PTPRM: variants seen among roughly 807,000 people sequenced by gnomAD.
PTPRM encodes the protein receptor-type tyrosine-protein phosphatase mu.
Under a neutral mutation model 186.7 loss-of-function variants are expected in PTPRM, and 47 were observed. The observed-to-expected ratio is 0.25, with a 90% CI of 0.20 to 0.32. The LOEUF (loss-of-function observed/expected upper bound fraction) is 0.32. PTPRM is among the 10% of genes least tolerant of loss of function. The pLI is 1.00. For missense variants in PTPRM, 1,494 were observed against 1,865.0 expected (o/e 0.80, Z 3.66); for synonymous variants, 668 against 674.9 (o/e 0.99, Z 0.16).
At chr18:8,063,183 T>C (rs1202982676) in intron 7 of PTPRM, among the ~76,000 whole-genome samples, 49 of 151,384 alleles carry the variant, frequency 3.2e-4, no homozygotes, top group Admixed American at 7.9e-4. Context: ...TAAGCCGGTC[T>C]GAAAAGCGCA....
At chr18:8,002,468 G>T (rs933107536) in intron 7 of PTPRM, among the ~76,000 whole-genome samples, 1 of 152,190 alleles carries the variant, frequency 6.6e-6, no homozygotes, top group Non-Finnish European at 1.5e-5. Context: ...CACATCCTTG[G>T]ATGCCTGGTA....
chr18:7,771,669 G>A (rs2042275029), intron 1 of PTPRM, among the ~76,000 whole-genome samples: 1 of 152,172 alleles, frequency 6.6e-6, no homozygotes, highest in African/African-American at 2.4e-5. Flanking sequence ...CAGATCTGGA[G>A]CTAACAACTA....
At chr18:8,276,742 A>G (rs901200432) in intron 19 of PTPRM, among the ~76,000 whole-genome samples, 5 of 152,176 alleles carry the variant, frequency 3.3e-5, no homozygotes, top group African/African-American at 9.7e-5. Flanking sequence ...ACAACAAAAA[A>G]ATACAATCTC....
chr18:8,267,755 G>T (rs2094719309), intron 19 of PTPRM, among the ~76,000 whole-genome samples: 1 of 152,142 alleles, frequency 6.6e-6, no homozygotes, highest in Non-Finnish European at 1.5e-5. Flanking sequence ...ATTCGCATCA[G>T]CACTCTGTAA....
chr18:8,125,971 G>GTATATATATA (rs1263824300), intron 13 of PTPRM, among the ~76,000 whole-genome samples: 1 of 92,510 alleles, frequency 1.1e-5, no homozygotes, highest in Non-Finnish European at 2.1e-5. Context: ...ATATGTGTGT[G>GTATATATATA]TATACATATA....
chr18:8,041,247 A>C (rs1265467642), intron 7 of PTPRM, among the ~76,000 whole-genome samples: 1 of 152,218 alleles, frequency 6.6e-6, no homozygotes, highest in Admixed American at 6.5e-5. Context: ...GGTGAAATTC[A>C]TGGCAACCTT....
intron 23 of PTPRM, among the ~76,000 whole-genome samples, chr18:8,358,587 C>T (rs1427137135): frequency 6.6e-6 from 1 of 152,160 alleles, no homozygotes; most frequent in East Asian, 1.9e-4. Flanking sequence ...ACTGTGCAGG[C>T]ATCAGGTGAC....
chr18:7,585,859 C>G (rs933278673), intron 1 of PTPRM, among the ~76,000 whole-genome samples: 3 of 152,112 alleles, frequency 2.0e-5, no homozygotes, highest in African/African-American at 4.8e-5. Flanking sequence ...CAGTACCATG[C>G]CTGGTGAGGC....
intron 1 of PTPRM, among the ~76,000 whole-genome samples, chr18:7,753,267 A>G (rs1377190849): frequency 1.3e-5 from 2 of 152,102 alleles, no homozygotes; most frequent in African/African-American, 4.8e-5. Context: ...TTGATTGTAT[A>G]GAGGTAGATA....
chr18:8,227,642 A>G (rs954727512), intron 14 of PTPRM, among the ~76,000 whole-genome samples: 2 of 152,202 alleles, frequency 1.3e-5, no homozygotes, highest in African/African-American at 2.4e-5. Context: ...TAGCGAGTTT[A>G]ACAAACATCA....
intron 14 of PTPRM, among the ~76,000 whole-genome samples, chr18:8,185,677 G>T (rs1053454987): frequency 3.9e-5 from 6 of 152,194 alleles, no homozygotes; most frequent in Non-Finnish European, 7.3e-5. Flanking sequence ...GTTTCCCAGG[G>T]AGTATATGAG....
At chr18:8,254,900 T>G (rs1444271699) in intron 19 of PTPRM, among the ~76,000 whole-genome samples, 1 of 152,232 alleles carries the variant, frequency 6.6e-6, no homozygotes, top group African/African-American at 2.4e-5. Flanking sequence ...GTATTGCCAA[T>G]GACCTCAGTT....
At chr18:7,805,847 C>T (rs1277187711) in intron 2 of PTPRM, among the ~76,000 whole-genome samples, 1 of 151,962 alleles carries the variant, frequency 6.6e-6, no homozygotes, top group Non-Finnish European at 1.5e-5. Flanking sequence ...TGGATAGCAC[C>T]CTTCAATCCT....
chr18:7,939,367 A>G (rs2052024077), intron 5 of PTPRM, among the ~76,000 whole-genome samples: 1 of 152,174 alleles, frequency 6.6e-6, no homozygotes, highest in Admixed American at 6.6e-5. Flanking sequence ...CCCAGACCTC[A>G]ATTTCTTTCA....
rs142540840 is a variant in PTPRM at position 7,988,819 on chromosome 18, G to A, written c.1132+33405G>A. On this transcript the variant is annotated intron_variant, in intron 7 of 32. Transcript: ENST00000580170. ...TGTTTATTCTTTCACCTGTTGATGG[G>A]CATTTTGGTTGCTTCTACCTTTTGA... Among the ~76,000 whole-genome samples, 1,244 of 152,166 alleles carry A rather than the reference G, an allele frequency of 8.2e-3. 6 individuals carry two copies. The highest frequency in any genetic ancestry group is 0.033 in the South Asian group (160 of 4,816).
At chr18:7,588,591 T>C (rs927379901) in intron 1 of PTPRM, among the ~76,000 whole-genome samples, 2 of 152,216 alleles carry the variant, frequency 1.3e-5, no homozygotes, top group South Asian at 2.1e-4. Flanking sequence ...ACACTTTTGG[T>C]TGTTTGAAGA....
intron 1 of PTPRM, among the ~76,000 whole-genome samples, chr18:7,731,516 CA>C (rs2040659028): frequency 6.6e-6 from 1 of 152,146 alleles, no homozygotes; most frequent in Non-Finnish European, 1.5e-5. Context: ...CTTTAGTTTG[CA>C]GCTAAGGAAA....
intron 23 of PTPRM, among the ~76,000 whole-genome samples, chr18:8,351,878 A>T (rs934389981): frequency 6.6e-6 from 1 of 152,156 alleles, no homozygotes; most frequent in South Asian, 2.1e-4. Context: ...AGACTCCTCA[A>T]CACCAGCTCC....
intron 1 of PTPRM, among the ~76,000 whole-genome samples, chr18:7,578,519 T>C (rs1318991570): frequency 6.6e-6 from 1 of 151,918 alleles, no homozygotes; most frequent in Admixed American, 6.6e-5. Flanking sequence ...GTATTTTTAG[T>C]AGAGATGGGG....
Sources: allele counts gnomAD v4.1 joint callset (sites outside exome capture counted in the v4.1 genomes callset), GRCh38; gene constraint gnomAD v4.1.1; transcripts MANE v1.5; gene names NCBI Gene and HGNC (gene_info 2026-07-23, HGNC 2026-07-21).